LY6S: variants seen among roughly 807,000 people sequenced by gnomAD.
LY6S encodes the protein lymphocyte antigen 6 family member S.
chr8:143,050,502 C>T, the LY6S span, among the ~76,000 whole-genome samples: 1 of 152,090 alleles, frequency 6.6e-6, no homozygotes, highest in African/African-American at 2.4e-5. Flanking sequence ...CTTTCAGACA[C>T]ACCTTCGAGG....
chr8:143,052,902 C>T, the LY6S span, among the ~76,000 whole-genome samples: 2 of 152,202 alleles, frequency 1.3e-5, no homozygotes, highest in East Asian at 1.9e-4. Context: ...GAGACCCTCC[C>T]TCACCTTAGA....
the LY6S span, chr8:143,047,909 T>C: frequency 2.6e-5 from 4 of 152,250 alleles, no homozygotes; most frequent in African/African-American, 9.6e-5. Flanking sequence ...ATCCTCTCTC[T>C]CAGGGCGTCC....
At chr8:143,049,435 G>A in the LY6S span, 4 of 382,544 alleles carry the variant, frequency 1.0e-5, no homozygotes, top group Admixed American at 9.0e-5. Flanking sequence ...AGAGGAATCA[G>A]GGACAATGGT....
chr8:143,061,843 C>T, the LY6S span, among the ~76,000 whole-genome samples: 8 of 152,218 alleles, frequency 5.3e-5, no homozygotes, highest in African/African-American at 1.9e-4. Context: ...CACACCTGGC[C>T]AGGTATTTCA....
the LY6S span, among the ~76,000 whole-genome samples, chr8:143,063,520 G>A: frequency 2.5e-4 from 38 of 152,274 alleles, no homozygotes; most frequent in Middle Eastern, 3.4e-3. Flanking sequence ...CTGTTACCTC[G>A]GAAACAGTTA....
At chr8:143,055,170 C>A in the LY6S span, among the ~76,000 whole-genome samples, 1 of 152,144 alleles carries the variant, frequency 6.6e-6, no homozygotes, top group Admixed American at 6.5e-5. Context: ...ACACTTTTAG[C>A]CTTAACTTTT....
the LY6S span, among the ~76,000 whole-genome samples, chr8:143,043,793 A>C: frequency 6.6e-6 from 1 of 152,234 alleles, no homozygotes; most frequent in African/African-American, 2.4e-5. Flanking sequence ...CTCCTGCCTC[A>C]GCCTCCCCAG....
chr8:143,044,530 GCCCAC>G, the LY6S span: 13 of 198,140 alleles, frequency 6.6e-5, no homozygotes, highest in South Asian at 1.9e-4. Context: ...TGCCCGCCAT[GCCCAC>G]CCCACCCCAC....
chr8:143,057,602 G>T, the LY6S span: 2 of 1,294,392 alleles, frequency 1.5e-6, no homozygotes, highest in East Asian at 4.6e-5. Flanking sequence ...CTGAATGAGA[G>T]GGTCCCCAGT....
At chr8:143,057,421 T>A in the LY6S span, 727 of 474,238 alleles carry the variant, frequency 1.5e-3, 4 homozygotes, top group African/African-American at 0.014. Flanking sequence ...GGCTACATTT[T>A]GTATTTTTAG....
At chr8:143,044,243 C>T in the LY6S span, 11 of 456,072 alleles carry the variant, frequency 2.4e-5, no homozygotes, top group African/African-American at 1.2e-4. Flanking sequence ...TGGTGAGACC[C>T]GCGGCATGAA....
chr8:143,075,564 C>T, the LY6S span, among the ~76,000 whole-genome samples: 2 of 152,016 alleles, frequency 1.3e-5, no homozygotes, highest in Non-Finnish European at 1.5e-5. This position sits in a 1 kb window ranked among gnomAD's most constrained non-coding sequence, Gnocchi z 4.1. Flanking sequence ...AGTAGCCAGG[C>T]GTGGTGGTGC....
the LY6S span, chr8:143,065,966 A>T: frequency 3.1e-6 from 1 of 327,264 alleles, no homozygotes; most frequent in African/African-American, 2.3e-5. Flanking sequence ...GTCTAAATCG[A>T]GGCGGGGGTG....
At chr8:143,048,931 A>G in the LY6S span, among the ~76,000 whole-genome samples, 1 of 152,132 alleles carries the variant, frequency 6.6e-6, no homozygotes, top group Non-Finnish European at 1.5e-5. Flanking sequence ...TATTCCAGGC[A>G]CTGTAATCGG....
At chr8:143,063,525 C>G in the LY6S span, among the ~76,000 whole-genome samples, 3 of 152,322 alleles carry the variant, frequency 2.0e-5, no homozygotes, top group African/African-American at 7.2e-5. Context: ...ACCTCGGAAA[C>G]AGTTACCAAG....
chr8:143,046,736 G>A, the LY6S span, among the ~76,000 whole-genome samples: 1 of 152,158 alleles, frequency 6.6e-6, no homozygotes, highest in East Asian at 1.9e-4. Flanking sequence ...CAGGCATGGT[G>A]GCTTACACCT....
chr8:143,052,974 C>T, the LY6S span, among the ~76,000 whole-genome samples: 167 of 152,290 alleles, frequency 1.1e-3, 1 homozygote, highest in African/African-American at 3.8e-3. Flanking sequence ...AGGCCAGGTA[C>T]GGCTGGCTGT....
At chr8:143,066,070 G>C in the LY6S span, 1 of 401,360 alleles carries the variant, frequency 2.5e-6, no homozygotes, top group South Asian at 2.1e-5. Context: ...TACAGCTTGG[G>C]AAGCACATAG....
At chr8:143,051,540 C>G in the LY6S span, among the ~76,000 whole-genome samples, 2 of 151,356 alleles carry the variant, frequency 1.3e-5, no homozygotes, top group South Asian at 4.2e-4. Context: ...GACTCTGACT[C>G]AAAACTAATA....
Sources: allele counts gnomAD v4.1 joint callset (sites outside exome capture counted in the v4.1 genomes callset), GRCh38; gene constraint gnomAD v4.1.1; non-coding constraint Gnocchi (gnomAD v3.1); transcripts MANE v1.5; gene names NCBI Gene and HGNC (gene_info 2026-07-23, HGNC 2026-07-21).